The following CEP97 variants were observed in gnomAD, a reference collection of about 807,000 sequenced individuals.
The protein encoded by CEP97 is centrosomal protein of 97 kDa.
A neutral mutation model predicts 73.1 loss-of-function variants in CEP97; 43 were observed. The ratio of observed to expected loss-of-function variants is 0.59; its 90% CI spans 0.46 to 0.76. CEP97 has a LOEUF of 0.76. Among genes scored for constraint, CEP97 ranks in the 30% least tolerant of loss-of-function variants. The pLI is 0.00. For missense variants in CEP97, 939 were observed against 1,014.0 expected, an observed-to-expected ratio of 0.93 and a Z score of 1.00; for synonymous variants, 337 against 370.0, an observed-to-expected ratio of 0.91 and a Z score of 1.02.
chr3:101,751,814 G>T (rs1416061773), intron 6 of CEP97, among the ~76,000 whole-genome samples: 1 of 152,040 alleles, frequency 6.6e-6, no homozygotes, highest in African/African-American at 2.4e-5. Flanking sequence ...GTCTCTGCAC[G>T]TGAGATGGGT....
intron 6 of CEP97, among the ~76,000 whole-genome samples, chr3:101,741,619 CAAAAG>C (rs1024099154): frequency 6.6e-6 from 1 of 152,102 alleles, no homozygotes; most frequent in African/African-American, 2.4e-5. Context: ...AGATATTTCT[CAAAAG>C]AAGACATTTA....
intron 1 of CEP97, among the ~76,000 whole-genome samples, chr3:101,726,041 T>C (rs1461155139): frequency 2.0e-5 from 3 of 152,238 alleles, no homozygotes; most frequent in Non-Finnish European, 2.9e-5. Context: ...GTCTATGTTA[T>C]ACTAAAGTGC....
chr3:101,766,579 T>A lies in CEP97; in HGVS notation c.*1028T>A, dbSNP rs1477547218. Reference sequence around the variant, plus strand: ...TGTCTAACCTGAAAAAGTTCCACATTTGGAAGACAATTTAATGATGGTGAA... The same window carrying A: ...TGTCTAACCTGAAAAAGTTCCACATATGGAAGACAATTTAATGATGGTGAA... On this transcript the variant is annotated 3_prime_UTR_variant, in exon 11 of 11. Transcript: ENST00000341893. 1 of 152,466 alleles carries A rather than the reference T, an allele frequency of 6.6e-6. No individual in the cohort carries two copies. The highest frequency in any genetic ancestry group is 1.5e-5 in the Non-Finnish European group (1 of 68,010). The allele number at this position is 152,466 out of a possible 1,614,324, so 9.4% of individuals were successfully genotyped here. A position where few individuals can be genotyped will look rare whatever the true frequency, so the allele number is the denominator to read the frequency against.
chr3:101,747,858 C>T (rs537422758), intron 6 of CEP97, among the ~76,000 whole-genome samples: 7 of 151,576 alleles, frequency 4.6e-5, no homozygotes, highest in East Asian at 1.9e-4. Context: ...CATGGTGGCT[C>T]ATGCCTGTAA....
intron 6 of CEP97, among the ~76,000 whole-genome samples, chr3:101,747,258 C>CTTTT (rs35085560): frequency 2.3e-5 from 3 of 129,756 alleles, no homozygotes; most frequent in African/African-American, 5.7e-5. Flanking sequence ...TTCAGAACTC[C>CTTTT]TTTTTTTTTT....
Position 101,767,747 on chromosome 3 carries a change from CTG to C in CEP97, c.*2200_*2201del, listed in dbSNP as rs1259014219. 2 of 151,188 alleles carry C rather than the reference CTG, an allele frequency of 1.3e-5. No homozygotes were observed. Among genetic ancestry groups the C allele is most frequent in the Admixed American group, 1.3e-4 (2 of 15,214 alleles). 9.4% of individuals were successfully genotyped at this position (151,188 alleles called of 1,614,324 possible). On this transcript the variant is annotated 3_prime_UTR_variant, in exon 11 of 11. Coordinates refer to ENST00000341893, the MANE Select transcript of CEP97 (RefSeq NM_024548.4). The stretch of plus-strand genomic sequence containing the variant: ...TAATTGTTAATATTCTGTTCTTCGT[CTG>C]TGTTTTATTTAACTTTTACTAGTGT...
chr3:101,736,131 G>A (rs929565758), intron 6 of CEP97, among the ~76,000 whole-genome samples: 3 of 152,166 alleles, frequency 2.0e-5, no homozygotes, highest in Non-Finnish European at 4.4e-5. Context: ...TGCTGTAGCC[G>A]GACTGCTTCT....
At chr3:101,763,216 A>G in intron 10 of CEP97, 4 of 1,229,058 alleles carry the variant, frequency 3.3e-6, no homozygotes, top group Non-Finnish European at 4.2e-6. Flanking sequence ...CAAATTTGTT[A>G]TAATAGGATT....
intron 6 of CEP97, among the ~76,000 whole-genome samples, chr3:101,754,415 G>T (rs1291109830): frequency 6.6e-6 from 1 of 152,054 alleles, no homozygotes; most frequent in Non-Finnish European, 1.5e-5. Context: ...AATGAATTTT[G>T]TATCTTAGAA....
intron 5 of CEP97, 33 bp from the exon 6 acceptor site, chr3:101,732,454 TC>T: frequency 6.6e-7 from 1 of 1,523,316 alleles, no homozygotes; most frequent in Non-Finnish European, 9.0e-7. Context: ...CACTGAATAG[TC>T]CTTTTGTTCA....
In CEP97 at chr3:101,769,721, T is replaced by G. The variant is rs532938109; in HGVS notation, c.*4170T>G. The G allele has an allele frequency of 3.9e-5, 6 of 152,260 alleles. No homozygotes were observed. Among genetic ancestry groups the G allele is most frequent in the Non-Finnish European group, 8.8e-5 (6 of 68,048 alleles). The allele number at this position is 152,260 out of a possible 1,614,324, so 9.4% of individuals were successfully genotyped here. On this transcript the variant is annotated 3_prime_UTR_variant, in exon 11 of 11. Transcript: ENST00000341893. ...CCTTTAAAAGGTATTTATTGTGTCA[T>G]AATGTTTTAAATGTTAAATATATGA...
At chr3:101,735,814 T>A (rs1261547176) in intron 6 of CEP97, among the ~76,000 whole-genome samples, 1 of 151,950 alleles carries the variant, frequency 6.6e-6, no homozygotes, top group Non-Finnish European at 1.5e-5. Flanking sequence ...TTTTTTCATA[T>A]CCCAGTGGCG....
chr3:101,754,368 A>C (rs1938946190), intron 6 of CEP97, among the ~76,000 whole-genome samples: 1 of 152,198 alleles, frequency 6.6e-6, no homozygotes, highest in African/African-American at 2.4e-5. Context: ...AAGTGCCCTA[A>C]TATCAGATAT....
At chr3:101,730,527 G>A (rs1257388008) in intron 4 of CEP97, among the ~76,000 whole-genome samples, 2 of 151,086 alleles carry the variant, frequency 1.3e-5, no homozygotes, top group East Asian at 3.9e-4. Flanking sequence ...GCCTCCCAAA[G>A]TGTTGGGATT....
chr3:101,757,802 T>C lies in CEP97; in HGVS notation c.1196T>C (p.Leu399Pro), dbSNP rs369949529. 1.9e-6 allele frequency: 3 copies of C among 1,614,128 alleles called. No individual in the cohort carries two copies. In the African/African-American group the frequency reaches 4.0e-5, roughly 22 times the overall value. The change falls in exon 9 of 11, where the codon CTC becomes CCC. Residue 399 changes from leucine (L) to proline (P), a missense_variant. Physicochemically the swap from Leu to Pro is moderately conservative, Grantham distance 98 (BLOSUM62 -3). Transcript: ENST00000341893. ...GAGGACAAGTTAAACTGTAGTCTTC[T>C]CTCTTCAGAGTCTACTTTTATGCCA... ...TDEDKLNCSL[L>P]SSESTFMPVA...
rs543565816 is a variant in CEP97 at position 101,747,298 on chromosome 3, C to T, written c.729-8132C>T. 7.7e-5 allele frequency among the ~76,000 whole-genome samples: 11 copies of T among 142,562 alleles called. No homozygotes were observed. In the South Asian group the frequency reaches 1.6e-3, roughly 20 times the overall value. The allele number at this position is 142,562 out of a possible 152,430, so 93.5% of individuals were successfully genotyped here. A position where few individuals can be genotyped will look rare whatever the true frequency, so the allele number is the denominator to read the frequency against. On this transcript the variant is annotated intron_variant, in intron 6 of 10. Transcript: ENST00000341893. ...TTTTTGAGACGGAATCTCACTCTGTCGCCCAGGTTGGAGTGCAGTGGCACG... is the reference window on the plus strand; with the variant it reads ...TTTTTGAGACGGAATCTCACTCTGTTGCCCAGGTTGGAGTGCAGTGGCACG...
intron 1 of CEP97, among the ~76,000 whole-genome samples, chr3:101,725,848 A>G (rs536750006): frequency 6.6e-6 from 1 of 150,646 alleles, no homozygotes; most frequent in South Asian, 2.1e-4. Flanking sequence ...TGTATGACCC[A>G]GGCGATGTTC....
chr3:101,743,574 T>G (rs1376274215), intron 6 of CEP97, among the ~76,000 whole-genome samples: 2 of 152,098 alleles, frequency 1.3e-5, no homozygotes, highest in South Asian at 2.1e-4. Flanking sequence ...TTTTAAATTT[T>G]TAGTTCAGAT....
intron 4 of CEP97, among the ~76,000 whole-genome samples, chr3:101,730,713 A>G (rs1393825506): frequency 6.6e-6 from 1 of 152,196 alleles, no homozygotes; most frequent in Non-Finnish European, 1.5e-5. Flanking sequence ...CATGCAGTCA[A>G]ATAAGTAACA....
Sources: gnomAD v4.1 joint callset for allele counts (sites outside exome capture counted in the v4.1 genomes callset) on GRCh38, gnomAD v4.1.1 for gene constraint, MANE v1.5 for transcripts, NCBI Gene and HGNC (gene_info 2026-07-23, HGNC 2026-07-21) for gene names.